The following STRIP1 variants were observed in gnomAD, a reference collection of about 807,000 sequenced individuals.
STRIP1 encodes the protein striatin-interacting protein 1.
Under a neutral mutation model 106.2 loss-of-function variants are expected in STRIP1, and 63 were observed. That is an observed-to-expected ratio of 0.59 (90% CI 0.48 to 0.73). The LOEUF (loss-of-function observed/expected upper bound fraction) is 0.73, where lower values mean the gene tolerates loss of function less well. Ranked by LOEUF, STRIP1 falls within the 30% of genes least tolerant of loss-of-function variation. STRIP1 has a pLI of 0.00. For missense variants in STRIP1, 857 were observed against 1,074.8 expected (o/e 0.80, Z 2.83); for synonymous variants, 390 against 413.0 (o/e 0.94, Z 0.67).
rs1441858652 is a variant in STRIP1, at chr1:110,047,542, G to C, written c.1489G>C (p.Gly497Arg). The change falls in exon 14 of 21, where the codon GGA (glycine) becomes CGA (arginine). Residue 497 changes from glycine (G) to arginine (R), a missense_variant and splice_region_variant. Gly to Arg is a moderately radical substitution (Grantham distance 125, BLOSUM62 -2). This residue lies in a region of STRIP1 where 750 missense variants were observed against 989.8 expected (regional missense o/e 0.76). Transcript: ENST00000369795. ...EEYLRSPLSG[G>R]EEEVEQVPAE... ...ATGCTTGTACTCATTATGTTAAAAG[G>C]GAGAAGAAGAAGTTGAGCAAGTCCC... is the stretch of plus-strand genomic sequence containing the variant. 6.2e-7 allele frequency: 1 copy of C among 1,610,520 alleles called. No individual in the cohort carries two copies. Among genetic ancestry groups the C allele is most frequent in the Non-Finnish European group, 8.5e-7 (1 of 1,178,310 alleles).
At position 110,043,791 on chromosome 1, in the gene STRIP1, G is replaced by A. The variant is rs749167658; in HGVS notation, c.1221G>A (p.Pro407=). The change falls in exon 10 of 21, where the codon CCG becomes CCA. Residue 407 remains proline (P), a synonymous_variant. Transcript: ENST00000369795. ...PLERDEVMPP[P]LQHPQTDRLT... is the part of the protein sequence containing the mutation. Reference sequence around the variant, plus strand: ...AACGGGATGAAGTGATGCCTCCCCCGCTACAGCACCCACAGACTGACAGGC... The same window carrying A: ...AACGGGATGAAGTGATGCCTCCCCCACTACAGCACCCACAGACTGACAGGC... The A allele has an allele frequency of 6.2e-6, 10 of 1,614,034 alleles. No individual in the cohort carries two copies. Among genetic ancestry groups the A allele is most frequent in the East Asian group, 4.5e-5 (2 of 44,898 alleles).
chr1:110,050,210 A>G, intron 17 of STRIP1, 133 bp from the exon 18 acceptor site: 1 of 771,768 alleles, frequency 1.3e-6, no homozygotes, highest in Admixed American at 2.3e-5. Context: ...CTGGGGTGGG[A>G]CACATCAGGT....
intron 8 of STRIP1, chr1:110,042,864 G>C (rs909693827): frequency 3.7e-6 from 2 of 540,814 alleles, no homozygotes; most frequent in Non-Finnish European, 6.6e-6. Flanking sequence ...ACTAGGGTCA[G>C]TCAGCCTGCA....
intron 1 of STRIP1, among the ~76,000 whole-genome samples, chr1:110,036,767 A>G (rs749485762): frequency 4.6e-5 from 7 of 152,188 alleles, no homozygotes; most frequent in Non-Finnish European, 1.0e-4. Context: ...GTGAAAGTGT[A>G]CACTGTGTTA....
At chr1:110,047,175 GC>G (rs1419169941) in intron 13 of STRIP1, among the ~76,000 whole-genome samples, 3 of 152,186 alleles carry the variant, frequency 2.0e-5, no homozygotes, top group Admixed American at 2.0e-4. Context: ...ACCTCCCAGT[GC>G]ACAGGCTGAG....
chr1:110,039,328 G>C, intron 4 of STRIP1, 22 bp downstream of exon 4: 3 of 1,614,058 alleles, frequency 1.9e-6, no homozygotes, highest in Admixed American at 1.7e-5. Context: ...ACCTCCCCAG[G>C]GTTCCCTGGC....
intron 20 of STRIP1, 24 bp from the exon 21 acceptor site, chr1:110,053,641 G>A (rs1003217472): frequency 3.1e-6 from 5 of 1,612,984 alleles, no homozygotes; most frequent in Middle Eastern, 1.7e-4. Flanking sequence ...GCTCCTAACG[G>A]TGTTTCTTCC....
chr1:110,044,691 T>A, intron 10 of STRIP1, 149 bp from the exon 11 acceptor site: 4 of 747,572 alleles, frequency 5.4e-6, no homozygotes, highest in Non-Finnish European at 8.5e-6. Flanking sequence ...AATTTCAGTT[T>A]TTTCCCTTTT....
At chr1:110,039,806 T>G (rs1425272345) in intron 5 of STRIP1, 1 of 1,339,166 alleles carries the variant, frequency 7.5e-7, no homozygotes. Context: ...CACTTTGAGC[T>G]CTCTTTTGAA....
At chr1:110,041,428 C>A in intron 6 of STRIP1, 108 bp from the exon 7 acceptor site, 2 of 705,122 alleles carry the variant, frequency 2.8e-6, no homozygotes, top group Non-Finnish European at 4.9e-6. Context: ...TATTCAGATA[C>A]CATTTATTAA....
upstream of STRIP1, chr1:110,034,469 G>A: frequency 1.5e-6 from 1 of 687,258 alleles, no homozygotes; most frequent in East Asian, 3.5e-5. Flanking sequence ...AGATCAACAA[G>A]GGAAGGACTG....
At chr1:110,041,033 C>A in intron 6 of STRIP1, 1 of 235,072 alleles carries the variant, frequency 4.3e-6, no homozygotes, top group Non-Finnish European at 8.3e-6. Context: ...CCCTGGACTC[C>A]CACCTTCTTG....
intron 17 of STRIP1, 76 bp from the exon 18 acceptor site, chr1:110,050,267 T>C: frequency 6.9e-7 from 1 of 1,439,800 alleles, no homozygotes. Flanking sequence ...AGCTGGGAGC[T>C]GGCTCAGGCA....
upstream of STRIP1, among the ~76,000 whole-genome samples, chr1:110,033,461 T>G (rs1165800953): frequency 6.6e-6 from 1 of 152,178 alleles, no homozygotes; most frequent in Non-Finnish European, 1.5e-5. Flanking sequence ...ACTGGGTAAT[T>G]CATAAAGGAA....
At chr1:110,042,651 T>G (rs1210091587) in intron 8 of STRIP1, among the ~76,000 whole-genome samples, 2 of 152,250 alleles carry the variant, frequency 1.3e-5, no homozygotes, top group African/African-American at 4.8e-5. Flanking sequence ...CGTTTCTGCT[T>G]CTTGGGAGAT....
chr1:110,044,419 A>G (rs1328508125), intron 10 of STRIP1, among the ~76,000 whole-genome samples: 3 of 152,228 alleles, frequency 2.0e-5, no homozygotes, highest in African/African-American at 7.2e-5. Flanking sequence ...AGGGAATGCA[A>G]AACAGATCAT....
chr1:110,045,060 C>T lies in STRIP1; in HGVS notation c.1398C>T (p.Ser466=), dbSNP rs375567118. Residue 466 remains serine (S), a synonymous_variant, in exon 12 of 21, where the codon AGC becomes AGT. Coordinates refer to ENST00000369795, the MANE Select transcript of STRIP1 (RefSeq NM_033088.4). The part of the protein sequence containing the change: ...VVGLPRPIHE[S]IKTLKQHKYT... ...GGCTGCCCAGGCCAATCCACGAAAG[C>T]ATCAAGACTCTGAAACAGGTGAGTG... The T allele has an allele frequency of 8.6e-5, 138 of 1,613,940 alleles. 1 individual carries two copies. The Middle Eastern group carries it at 2.1e-3, about 25-fold the overall frequency.
Position 110,053,680 on chromosome 1 carries a change from C to T in STRIP1, c.2282C>T (p.Pro761Leu), listed in dbSNP as rs749338775. ...TTTGTCTCAGATCTTGATGCCCGGC[C>T]TTGGGACTTCCAGGCAGAGGAGTGT... ...WAYGNDLDAR[P>L]WDFQAEECAL... Residue 761 changes from proline (P) to leucine (L), a missense_variant, in exon 21 of 21, where the codon CCT (proline) becomes CTT (leucine). Transcript: ENST00000369795. 6.2e-7 allele frequency: 1 copy of T among 1,614,110 alleles called. No homozygotes were observed. The highest frequency in any genetic ancestry group is 8.5e-7 in the Non-Finnish European group (1 of 1,180,000).
intron 15 of STRIP1, among the ~76,000 whole-genome samples, chr1:110,048,814 GGCA>G (rs1653153574): frequency 6.6e-6 from 1 of 152,176 alleles, no homozygotes; most frequent in Non-Finnish European, 1.5e-5. Context: ...AGGTTAATAT[GGCA>G]GCAGAAGCTT....
Sources: allele counts gnomAD v4.1 joint callset (sites outside exome capture counted in the v4.1 genomes callset), GRCh38; gene constraint gnomAD v4.1.1; regional missense constraint gnomAD v4.1.1; transcripts MANE v1.5; gene names NCBI Gene and HGNC (gene_info 2026-07-23, HGNC 2026-07-21).